Variants in LRRN2 observed in about 807,000 individuals in gnomAD.
LRRN2 encodes the protein leucine-rich repeat neuronal protein 2.
Under a neutral mutation model 35.7 loss-of-function variants are expected in LRRN2, and 10 were observed. The ratio of observed to expected loss-of-function variants is 0.28; its 90% CI spans 0.17 to 0.47. The LOEUF (loss-of-function observed/expected upper bound fraction) is 0.47, where lower values mean the gene tolerates loss of function less well. Among genes scored for constraint, LRRN2 ranks in the 20% least tolerant of loss-of-function variants. The probability of loss-of-function intolerance (pLI) is 0.99; values close to 1 mark genes in which losing one functional copy is unlikely to be tolerated. For missense variants in LRRN2, 731 were observed against 940.3 expected (o/e 0.78, Z 2.91); for synonymous variants, 391 against 409.6 (o/e 0.95, Z 0.55).
intron 1 of LRRN2, among the ~76,000 whole-genome samples, chr1:204,639,202 G>T (rs1171428976): frequency 6.6e-6 from 1 of 152,230 alleles, no homozygotes; most frequent in Non-Finnish European, 1.5e-5. Context: ...CTGAGCAAGG[G>T]GTGACACGTC....
rs532053758 is a variant in LRRN2 at position 204,637,766 on chromosome 1, G to A, written c.-226-17548C>T. 2.0e-5 allele frequency among the ~76,000 whole-genome samples: 3 copies of A among 151,828 alleles called. No individual in the cohort carries two copies. In the East Asian group the frequency reaches 5.9e-4, roughly 30 times the overall value. On this transcript the variant is annotated intron_variant, in intron 1 of 1. Coordinates refer to ENST00000367177, the MANE Select transcript of LRRN2 (RefSeq NM_201630.2). ...AGGCCCCGACCCCCGGGCCTCATCT[G>A]TATGCTCCTCCACACCCTGCTCACC... is the stretch of plus-strand genomic sequence containing the variant.
chr1:204,648,771 T>C (rs1294321449), intron 1 of LRRN2, among the ~76,000 whole-genome samples: 2 of 152,238 alleles, frequency 1.3e-5, no homozygotes, highest in African/African-American at 4.8e-5. Context: ...CACAGTCTAG[T>C]GGTTTTGAAA....
chr1:204,659,513 G>C (rs1668426969), intron 1 of LRRN2, among the ~76,000 whole-genome samples: 1 of 152,154 alleles, frequency 6.6e-6, no homozygotes, highest in Admixed American at 6.5e-5. Flanking sequence ...AGTGCTCCTG[G>C]AATGGCTTTC....
chr1:204,667,242 C>T (rs980183920), intron 1 of LRRN2, among the ~76,000 whole-genome samples: 1 of 152,126 alleles, frequency 6.6e-6, no homozygotes, highest in African/African-American at 2.4e-5. Context: ...TAGGGTTATA[C>T]CAATGTCAGT....
chr1:204,678,034 A>G (rs1668863831), intron 1 of LRRN2, among the ~76,000 whole-genome samples: 2 of 152,156 alleles, frequency 1.3e-5, no homozygotes, highest in South Asian at 4.1e-4. Context: ...TTCCCACTGC[A>G]GAGTCGAATC....
At chr1:204,680,826 C>A (rs1668932254) in intron 1 of LRRN2, among the ~76,000 whole-genome samples, 1 of 152,166 alleles carries the variant, frequency 6.6e-6, no homozygotes, top group African/African-American at 2.4e-5. Flanking sequence ...GATACCTGTG[C>A]CCCAAATACC....
intron 1 of LRRN2, among the ~76,000 whole-genome samples, chr1:204,632,786 T>C (rs936936776): frequency 2.6e-5 from 4 of 151,580 alleles, no homozygotes; most frequent in Non-Finnish European, 5.9e-5. Context: ...AAAAAAAAAT[T>C]AGCCAGGCGT....
intron 1 of LRRN2, among the ~76,000 whole-genome samples, chr1:204,682,308 T>A (rs1668973451): frequency 2.0e-5 from 3 of 152,208 alleles, no homozygotes; most frequent in African/African-American, 7.2e-5. Flanking sequence ...TCAGGAAGCC[T>A]TCCTTGATCA....
At chr1:204,666,687 G>A (rs577505662) in intron 1 of LRRN2, among the ~76,000 whole-genome samples, 13 of 152,294 alleles carry the variant, frequency 8.5e-5, no homozygotes, top group East Asian at 3.9e-4. Context: ...GCCACTGGGC[G>A]CGGTGGCTCA....
At chr1:204,625,591 C>T (rs192841565) in intron 1 of LRRN2, among the ~76,000 whole-genome samples, 14 of 152,276 alleles carry the variant, frequency 9.2e-5, no homozygotes, top group Middle Eastern at 6.8e-3. Context: ...AAGGTTCCTA[C>T]GTATGTGCCC....
intron 1 of LRRN2, among the ~76,000 whole-genome samples, chr1:204,633,816 T>C (rs1027120153): frequency 2.0e-5 from 3 of 152,222 alleles, no homozygotes; most frequent in South Asian, 2.1e-4. Context: ...AGTTGACTTA[T>C]TCAAGCTCCG....
At chr1:204,667,116 G>A (rs536861201) in intron 1 of LRRN2, among the ~76,000 whole-genome samples, 18 of 152,302 alleles carry the variant, frequency 1.2e-4, no homozygotes, top group African/African-American at 4.3e-4. Context: ...CTATACAGGA[G>A]CAGCACAAGG....
At chr1:204,621,276 AC>A (rs1324172700) in intron 1 of LRRN2, 1 of 167,082 alleles carries the variant, frequency 6.0e-6, no homozygotes, top group Non-Finnish European at 1.5e-5. Context: ...CACCCCACTT[AC>A]CCGCTGCACA....
chr1:204,682,588 T>C lies in LRRN2; in HGVS notation c.-227+2732A>G, dbSNP rs182168510. Among the ~76,000 whole-genome samples, 76 of 152,334 alleles carry C rather than the reference T, an allele frequency of 5.0e-4. No individual in the cohort carries two copies. The East Asian group carries it at 0.014, about 28-fold the overall frequency. On this transcript the variant is annotated intron_variant, in intron 1 of 1. Coordinates refer to ENST00000367177, the MANE Select transcript of LRRN2 (RefSeq NM_201630.2). Reference sequence around the variant, plus strand: ...GAAACAGGGGATGGTAATGCAGACATTAGAAGGTTGTCAGCACGACTGAAC... The same window carrying C: ...GAAACAGGGGATGGTAATGCAGACACTAGAAGGTTGTCAGCACGACTGAAC...
At chr1:204,627,893 C>T (rs949040385) in intron 1 of LRRN2, among the ~76,000 whole-genome samples, 1 of 152,158 alleles carries the variant, frequency 6.6e-6, no homozygotes, top group Non-Finnish European at 1.5e-5. Context: ...CCAGTTCTTC[C>T]AACAGTCTGG....
chr1:204,669,917 T>G (rs1668670211), intron 1 of LRRN2, among the ~76,000 whole-genome samples: 1 of 152,208 alleles, frequency 6.6e-6, no homozygotes, highest in South Asian at 2.1e-4. Flanking sequence ...GTCAGATTTG[T>G]GTCCTTAAAA....
chr1:204,627,312 A>G (rs908079316), intron 1 of LRRN2: 1 of 152,222 alleles, frequency 6.6e-6, no homozygotes, highest in African/African-American at 2.4e-5. Context: ...TTCCGGTGCC[A>G]GCGCTCGCCT....
chr1:204,619,153 G>A lies in LRRN2; in HGVS notation c.840C>T (p.Asp280=). Reference sequence around the variant, plus strand: ...CCTTAAGGTGCAGCATGTTGGCAAAGTCCCCCGGCCCTACCCGCTGGAGCG... The same window carrying A: ...CCTTAAGGTGCAGCATGTTGGCAAAATCCCCCGGCCCTACCCGCTGGAGCG... ...KNPLQRVGPG[D]FANMLHLKEL... The change falls in exon 2 of 2, where the codon GAC becomes GAT. Residue 280 remains aspartate (D), a synonymous_variant. Coordinates refer to ENST00000367177, the MANE Select transcript of LRRN2 (RefSeq NM_201630.2). The A allele has an allele frequency of 6.2e-7, 1 of 1,613,920 alleles. No homozygotes were observed. The highest frequency in any genetic ancestry group is 8.5e-7 in the Non-Finnish European group (1 of 1,179,946).
rs1412729792 is a variant in LRRN2, at chr1:204,619,329, C to T, written c.664G>A (p.Gly222Ser). Residue 222 changes from glycine (G) to serine (S), a missense_variant, in exon 2 of 2, where the codon GGC (glycine) becomes AGC (serine). Physicochemically the swap from Gly to Ser is moderately conservative, Grantham distance 56. Around this residue, in one of 3 missense-constraint regions of LRRN2, gnomAD observed 246 missense variants for 289.5 expected, o/e 0.85. Coordinates refer to ENST00000367177, the MANE Select transcript of LRRN2 (RefSeq NM_201630.2). ...TCGGAGATCTCCCGCAGGTTCATGC[C>T]TGCTAGCACCAGGCTACGCAGGTTG... Reference protein sequence around the residue: ...LANLRSLVLAGMNLREISDYA... With the variant: ...LANLRSLVLASMNLREISDYA... The T allele has an allele frequency of 1.9e-6, 3 of 1,614,242 alleles. No homozygotes were observed. The highest frequency in any genetic ancestry group is 2.2e-5 in the South Asian group (2 of 91,092).
Sources: allele counts gnomAD v4.1 joint callset (sites outside exome capture counted in the v4.1 genomes callset), GRCh38; gene constraint gnomAD v4.1.1; regional missense constraint gnomAD v4.1.1; transcripts MANE v1.5; gene names NCBI Gene and HGNC (gene_info 2026-07-23, HGNC 2026-07-21).